Variants in SORCS1 observed in about 807,000 individuals in gnomAD.
SORCS1 encodes sortilin related VPS10 domain containing receptor 1.
In SORCS1, 60 loss-of-function variants were observed where a neutral mutation model predicts 146.1. The observed-to-expected ratio is 0.41, with a 90% CI of 0.33 to 0.51. The LOEUF is 0.51. SORCS1 is among the 20% of genes least tolerant of loss of function. The probability of loss-of-function intolerance (pLI) is 0.21; values close to 1 mark genes in which losing one functional copy is unlikely to be tolerated. For synonymous variants in SORCS1, 637 were observed against 584.0 expected (o/e 1.09, Z -1.31); for missense variants, 1,352 against 1,487.6 (o/e 0.91, Z 1.50).
At chr10:107,087,121 G>A (rs532993831) in intron 1 of SORCS1, among the ~76,000 whole-genome samples, 9 of 152,320 alleles carry the variant, frequency 5.9e-5, no homozygotes, top group Non-Finnish European at 1.3e-4. Flanking sequence ...TTATTCTTTT[G>A]TGGCTTCATC....
chr10:107,144,831 G>C (rs561440778), intron 1 of SORCS1, among the ~76,000 whole-genome samples: 2 of 152,348 alleles, frequency 1.3e-5, no homozygotes, highest in South Asian at 4.1e-4. Flanking sequence ...TAGAGACAGA[G>C]AGACATTTTG....
chr10:106,959,078 G>A (rs1456124100), intron 1 of SORCS1, among the ~76,000 whole-genome samples: 1 of 152,224 alleles, frequency 6.6e-6, no homozygotes, highest in African/African-American at 2.4e-5. Context: ...AGGTGCCCCG[G>A]AGAAGGAACC....
At chr10:107,071,696 T>A (rs900255182) in intron 1 of SORCS1, among the ~76,000 whole-genome samples, 2 of 152,226 alleles carry the variant, frequency 1.3e-5, no homozygotes, top group African/African-American at 2.4e-5. Context: ...CAACTGGCAC[T>A]ACTAACAAAG....
At chr10:106,594,357 G>A (rs976209637) in intron 24 of SORCS1, among the ~76,000 whole-genome samples, 6 of 151,966 alleles carry the variant, frequency 3.9e-5, no homozygotes, top group Middle Eastern at 3.2e-3. Flanking sequence ...ATATTCATGG[G>A]GTACATAGTG....
intron 1 of SORCS1, among the ~76,000 whole-genome samples, chr10:106,990,287 T>C (rs1056172707): frequency 6.6e-6 from 1 of 152,170 alleles, no homozygotes; most frequent in East Asian, 1.9e-4. Flanking sequence ...TTTTTCTTTT[T>C]TTGAGATGGA....
chr10:106,583,562 A>C (rs998165834), intron 24 of SORCS1, among the ~76,000 whole-genome samples: 1 of 152,152 alleles, frequency 6.6e-6, no homozygotes, highest in African/African-American at 2.4e-5. Flanking sequence ...ACTGGAGTAC[A>C]GTGACACAAT....
At chr10:107,039,104 T>C (rs890314774) in intron 1 of SORCS1, among the ~76,000 whole-genome samples, 5 of 150,222 alleles carry the variant, frequency 3.3e-5, no homozygotes, top group Non-Finnish European at 5.9e-5. Context: ...CTGAGGCGGG[T>C]GGATCACAAG....
intron 2 of SORCS1, among the ~76,000 whole-genome samples, chr10:106,916,231 G>A (rs751230298): frequency 2.0e-5 from 3 of 151,936 alleles, no homozygotes; most frequent in Non-Finnish European, 2.9e-5. Context: ...AACATTCTGA[G>A]AGCTGAAATC....
intron 5 of SORCS1, among the ~76,000 whole-genome samples, chr10:106,743,853 A>G (rs1857526795): frequency 6.6e-6 from 1 of 152,196 alleles, no homozygotes; most frequent in African/African-American, 2.4e-5. Flanking sequence ...AAACTAAAAC[A>G]TTCTTACAAT....
At chr10:106,912,906 T>C (rs993886012) in intron 2 of SORCS1, among the ~76,000 whole-genome samples, 8 of 151,970 alleles carry the variant, frequency 5.3e-5, no homozygotes, top group African/African-American at 1.5e-4. Context: ...GGTCTCAAAC[T>C]CCAGACCTCG....
intron 2 of SORCS1, among the ~76,000 whole-genome samples, chr10:106,941,887 T>C (rs527712935): frequency 5.2e-4 from 79 of 152,316 alleles, no homozygotes; most frequent in South Asian, 2.1e-3. Flanking sequence ...GTCTTAGTTC[T>C]GGGAATAGAC....
chr10:106,818,585 C>T (rs11193062), intron 3 of SORCS1, among the ~76,000 whole-genome samples: 3,842 of 152,130 alleles, frequency 0.025, 123 homozygotes, highest in East Asian at 0.15. Flanking sequence ...AGGATAGTCT[C>T]GATCTCTTGA....
intron 1 of SORCS1, among the ~76,000 whole-genome samples, chr10:107,128,072 C>T (rs1966812514): frequency 6.6e-6 from 1 of 152,140 alleles, no homozygotes; most frequent in Admixed American, 6.5e-5. Flanking sequence ...ATTTTCCTTC[C>T]AGTATTTCCA....
chr10:107,169,903 C>G, the SORCS1 span, among the ~76,000 whole-genome samples: 2 of 152,034 alleles, frequency 1.3e-5, no homozygotes, highest in Admixed American at 1.3e-4. Flanking sequence ...TTTCAGGTTT[C>G]AAAGGATAGT....
At chr10:107,061,999 A>G (rs1264742370) in intron 1 of SORCS1, among the ~76,000 whole-genome samples, 1 of 152,170 alleles carries the variant, frequency 6.6e-6, no homozygotes, top group African/African-American at 2.4e-5. Flanking sequence ...ACACTTTATT[A>G]TATCAATTAA....
intron 1 of SORCS1, among the ~76,000 whole-genome samples, chr10:106,986,299 A>G (rs1442372185): frequency 2.0e-5 from 3 of 152,070 alleles, no homozygotes; most frequent in African/African-American, 4.8e-5. Flanking sequence ...ACACACGTGT[A>G]AAAAAATGAT....
chr10:106,779,304 C>G (rs1164920921), intron 3 of SORCS1, among the ~76,000 whole-genome samples: 1 of 152,106 alleles, frequency 6.6e-6, no homozygotes, highest in Non-Finnish European at 1.5e-5. Flanking sequence ...CTGTTCAATT[C>G]TACTCAGAAC....
intron 4 of SORCS1, 84 bp from the exon 5 acceptor site, chr10:106,761,745 A>G (rs1482744712): frequency 8.6e-7 from 1 of 1,164,572 alleles, no homozygotes; most frequent in African/African-American, 1.5e-5. Context: ...CAATAGTAAT[A>G]ATAATAATAC....
At chr10:107,079,711 A>G (rs571249543) in intron 1 of SORCS1, among the ~76,000 whole-genome samples, 1 of 152,326 alleles carries the variant, frequency 6.6e-6, no homozygotes, top group South Asian at 2.1e-4. Flanking sequence ...GAAGGCCCAG[A>G]GTGAGTCAAT....
Sources: gnomAD v4.1 joint callset for allele counts (sites outside exome capture counted in the v4.1 genomes callset) on GRCh38, gnomAD v4.1.1 for gene constraint, MANE v1.5 for transcripts, NCBI Gene and HGNC (gene_info 2026-07-23, HGNC 2026-07-21) for gene names.